The following ANO2 variants were observed in gnomAD, a reference collection of about 807,000 sequenced individuals.
ANO2 encodes the protein anoctamin 2.
In ANO2, 101 loss-of-function variants were observed where a neutral mutation model predicts 124.2. The observed-to-expected ratio is 0.81, with a 90% CI of 0.69 to 0.96. The LOEUF is 0.96. Ranked by LOEUF, ANO2 falls within the 40% of genes least tolerant of loss-of-function variation. ANO2 has a pLI of 0.00. For missense variants in ANO2, 1,293 were observed against 1,274.5 expected (o/e 1.01, Z -0.22); for synonymous variants, 486 against 482.5 (o/e 1.01, Z -0.09).
chr12:5,860,271 T>A (rs1006186999), intron 3 of ANO2, among the ~76,000 whole-genome samples: 1 of 152,172 alleles, frequency 6.6e-6, no homozygotes, highest in Non-Finnish European at 1.5e-5. Context: ...CCTGGTCCCT[T>A]CCTCTTGCTT....
At chr12:5,776,839 C>T (rs1323601136) in intron 10 of ANO2, among the ~76,000 whole-genome samples, 1 of 152,220 alleles carries the variant, frequency 6.6e-6, no homozygotes, top group Non-Finnish European at 1.5e-5. Context: ...CGTGGTCACA[C>T]ACTTTCTCAA....
chr12:5,586,755 T>C (rs1001744749), intron 20 of ANO2, among the ~76,000 whole-genome samples: 3 of 152,252 alleles, frequency 2.0e-5, no homozygotes, highest in African/African-American at 7.2e-5. Flanking sequence ...GTCATTTTCA[T>C]TGTTTTTGAT....
At chr12:5,884,446 G>C (rs1565748235) in intron 3 of ANO2, among the ~76,000 whole-genome samples, 1 of 152,208 alleles carries the variant, frequency 6.6e-6, no homozygotes, top group African/African-American at 2.4e-5. Flanking sequence ...CACTCCTGAG[G>C]AAAAGCAATC....
rs201631550 is a variant in ANO2 at position 5,635,284 on chromosome 12, G to A, written c.1684C>T (p.Leu562=). 2.0e-4 allele frequency: 321 copies of A among 1,610,454 alleles called. No individual in the cohort carries two copies. The Middle Eastern group carries it at 2.1e-3, about 11-fold the overall frequency. The change falls in exon 16 of 25, where the codon CTG becomes TTG. Residue 562 remains leucine, a synonymous_variant. Transcript: ENST00000682330. This position sits in a 1 kb window ranked among gnomAD's most constrained non-coding sequence, Gnocchi z 5.2. Reference sequence around the variant, plus strand: ...GAGCGTGTAGCCTTATTGAGAGACAGAGCGGCTGCAGTTGTTATTCGATAC... The same window carrying A: ...GAGCGTGTAGCCTTATTGAGAGACAAAGCGGCTGCAGTTGTTATTCGATAC... ...IVYRITTAAA[L]SLNKATRSNV...
chr12:5,580,668 G>C (rs938879913), intron 20 of ANO2, among the ~76,000 whole-genome samples: 1 of 152,200 alleles, frequency 6.6e-6, no homozygotes, highest in Non-Finnish European at 1.5e-5. Flanking sequence ...AAAAAATTCT[G>C]TTTCTACAGA....
At chr12:5,701,087 ATTTTTTTTT>A (rs56113538) in intron 14 of ANO2, among the ~76,000 whole-genome samples, 1 of 93,610 alleles carries the variant, frequency 1.1e-5, no homozygotes, top group Non-Finnish European at 1.9e-5. Flanking sequence ...GTCATTTTCA[ATTTTTTTTT>A]TTTTTTTTTT....
chr12:5,937,999 G>A (rs1044171500), intron 1 of ANO2, among the ~76,000 whole-genome samples: 7 of 152,104 alleles, frequency 4.6e-5, no homozygotes, highest in Non-Finnish European at 7.4e-5. Context: ...AGTACCGTTC[G>A]ACTTCTACCA....
intron 13 of ANO2, among the ~76,000 whole-genome samples, chr12:5,736,814 C>T (rs1950885515): frequency 6.6e-6 from 1 of 152,102 alleles, no homozygotes. Flanking sequence ...CTTGTTGTTG[C>T]CTCGCTTTCC....
intron 6 of ANO2, among the ~76,000 whole-genome samples, chr12:5,828,683 G>A (rs1490284757): frequency 6.6e-6 from 1 of 152,234 alleles, no homozygotes; most frequent in Non-Finnish European, 1.5e-5. Flanking sequence ...GGGCCTGCAG[G>A]GGACTGTGTT....
At position 5,914,914 on chromosome 12, in the gene ANO2, G is replaced by A. The variant is rs111540462; in HGVS notation, c.534+6126C>T. Among the ~76,000 whole-genome samples the A allele has an allele frequency of 1.1e-3, 162 of 152,192 alleles. 1 individual carries two copies. The highest frequency in any genetic ancestry group is 3.4e-3 in the Middle Eastern group (1 of 294). ...GTGAGTCTCTGCCTCTGCCCTGCTC[G>A]CTCTCTGGGTCAAAGCAGGAGGTTT... On this transcript the variant is annotated intron_variant, in intron 3 of 24. Coordinates refer to ENST00000682330, the MANE Select transcript of ANO2 (RefSeq NM_001364791.2).
At chr12:5,690,366 G>A (rs1254469971) in intron 14 of ANO2, among the ~76,000 whole-genome samples, 1 of 152,132 alleles carries the variant, frequency 6.6e-6, no homozygotes, top group Non-Finnish European at 1.5e-5. Flanking sequence ...ATAAGATTGG[G>A]TGCCCTGACA....
intron 3 of ANO2, among the ~76,000 whole-genome samples, chr12:5,865,911 C>A (rs775697320): frequency 2.0e-5 from 3 of 152,224 alleles, no homozygotes. Flanking sequence ...GGGCAATTAA[C>A]GTCCAAAGGG....
At chr12:5,790,316 C>T (rs769546086) in intron 10 of ANO2, among the ~76,000 whole-genome samples, 12 of 152,162 alleles carry the variant, frequency 7.9e-5, no homozygotes, top group Non-Finnish European at 1.8e-4. Flanking sequence ...TAGCCCTCTG[C>T]CTAGGTTTTT....
At chr12:5,725,706 G>A in intron 14 of ANO2, among the ~76,000 whole-genome samples, 2 of 151,954 alleles carry the variant, frequency 1.3e-5, no homozygotes, top group East Asian at 3.9e-4. Flanking sequence ...CTCTGGTAAG[G>A]CCAGCTCTGC....
chr12:5,921,005 C>A (rs1259934427), intron 3 of ANO2, 35 bp downstream of exon 3: 1 of 1,577,098 alleles, frequency 6.3e-7, no homozygotes, highest in Admixed American at 1.7e-5. Context: ...TGGTGCCATT[C>A]CATCTCCAAG....
intron 3 of ANO2, among the ~76,000 whole-genome samples, chr12:5,893,015 A>G (rs971705256): frequency 2.0e-5 from 3 of 152,194 alleles, no homozygotes; most frequent in Non-Finnish European, 2.9e-5. Flanking sequence ...CTAAGATGGT[A>G]AGGCTTCTTT....
chr12:5,853,948 C>T (rs1026767443), intron 4 of ANO2, 95 bp downstream of exon 4: 23 of 586,468 alleles, frequency 3.9e-5, no homozygotes, highest in Middle Eastern at 4.2e-4. Context: ...GATTTCAATT[C>T]CACAAAACCC....
intron 3 of ANO2, among the ~76,000 whole-genome samples, chr12:5,914,234 C>T (rs1941246358): frequency 6.6e-6 from 1 of 151,690 alleles, no homozygotes; most frequent in Admixed American, 6.6e-5. Context: ...AGTGAGGCGA[C>T]ATTCTGATTT....
intron 10 of ANO2, among the ~76,000 whole-genome samples, chr12:5,789,187 C>T (rs982201120): frequency 2.0e-5 from 3 of 152,230 alleles, no homozygotes; most frequent in Non-Finnish European, 2.9e-5. Flanking sequence ...TCAGGAGATG[C>T]AGTGCCTCTG....
Sources: allele counts gnomAD v4.1 joint callset (sites outside exome capture counted in the v4.1 genomes callset), GRCh38; gene constraint gnomAD v4.1.1; non-coding constraint Gnocchi (gnomAD v3.1); transcripts MANE v1.5; gene names NCBI Gene and HGNC (gene_info 2026-07-23, HGNC 2026-07-21).